BCAR3: variants seen among roughly 807,000 people sequenced by gnomAD.
BCAR3 encodes BCAR3 adaptor protein, NSP family member, also known as breast cancer anti-estrogen resistance protein 3.
BCAR3 carries 37 observed loss-of-function variants against 80.1 expected under a neutral mutation model. That is an observed-to-expected ratio of 0.46 (90% CI 0.36 to 0.61). The LOEUF (loss-of-function observed/expected upper bound fraction) is 0.61. Ranked by LOEUF, BCAR3 falls within the 20% of genes least tolerant of loss-of-function variation. The probability of loss-of-function intolerance (pLI) is 0.00; values close to 1 mark genes in which losing one functional copy is unlikely to be tolerated. For missense variants in BCAR3, 978 were observed against 1,068.2 expected (o/e 0.92, Z 1.18); for synonymous variants, 389 against 418.9 (o/e 0.93, Z 0.87).
At chr1:93,638,119 G>A (rs958084579) in intron 3 of BCAR3, among the ~76,000 whole-genome samples, 3 of 152,208 alleles carry the variant, frequency 2.0e-5, no homozygotes, top group Admixed American at 6.5e-5. Flanking sequence ...TGTGGTGGCA[G>A]ACGCCTGTAG....
intron 2 of BCAR3, among the ~76,000 whole-genome samples, chr1:93,715,987 C>T (rs1473454534): frequency 1.3e-5 from 2 of 152,206 alleles, no homozygotes; most frequent in Non-Finnish European, 2.9e-5. Flanking sequence ...CTTTGGGCCA[C>T]AAATGTCAGC....
intron 2 of BCAR3, among the ~76,000 whole-genome samples, chr1:93,724,300 T>C (rs1296195630): frequency 6.6e-6 from 1 of 152,142 alleles, no homozygotes; most frequent in Non-Finnish European, 1.5e-5. Flanking sequence ...ACCAGTCCCA[T>C]TGTGAATGGA....
Position 93,735,789 on chromosome 1 carries a change from C to T in BCAR3, c.-62-29647G>A, listed in dbSNP as rs549112743. On this transcript the variant is annotated intron_variant, in intron 2 of 13. Coordinates refer to the BCAR3 transcript ENST00000370244. Reference sequence around the variant, plus strand: ...CAAGGCAGCTCGCTTCCATGGCCTGCGCCAGTAAATAAGCTTCTAGCTTCC... The same window carrying T: ...CAAGGCAGCTCGCTTCCATGGCCTGTGCCAGTAAATAAGCTTCTAGCTTCC... Among the ~76,000 whole-genome samples, 17 of 152,358 alleles carry T rather than the reference C, an allele frequency of 1.1e-4. No homozygotes were observed. In the South Asian group the frequency reaches 3.5e-3, roughly 32 times the overall value.
intron 2 of BCAR3, among the ~76,000 whole-genome samples, chr1:93,835,970 C>T (rs963145474): frequency 3.3e-5 from 5 of 152,196 alleles, no homozygotes; most frequent in East Asian, 1.9e-4. Flanking sequence ...TTAGTCAAAT[C>T]ACCCAGTTTC....
chr1:93,712,850 C>T (rs140148959), intron 2 of BCAR3, among the ~76,000 whole-genome samples: 194 of 152,358 alleles, frequency 1.3e-3, no homozygotes, highest in African/African-American at 4.5e-3. Flanking sequence ...AAGCTATACT[C>T]TCTCTCTTCA....
At chr1:93,582,069 C>T (rs913929955) in intron 7 of BCAR3, among the ~76,000 whole-genome samples, 3 of 152,252 alleles carry the variant, frequency 2.0e-5, no homozygotes, top group South Asian at 4.1e-4. Context: ...ATTTTATAAG[C>T]TTCCTGCTTG....
chr1:93,729,470 C>CTAAAAATTCAAGAAGT (rs1650708621), intron 2 of BCAR3, among the ~76,000 whole-genome samples: 4 of 152,114 alleles, frequency 2.6e-5, no homozygotes, highest in African/African-American at 7.3e-5. Context: ...TGTCAAGAAG[C>CTAAAAATTCAAGAAGT]CTAAAAATTG....
chr1:93,802,315 G>GAA (rs11349279), intron 2 of BCAR3, among the ~76,000 whole-genome samples: 1 of 143,002 alleles, frequency 7.0e-6, no homozygotes. Flanking sequence ...AACTTTAAAA[G>GAA]AAAAAAAAAA....
chr1:93,590,569 C>T (rs978061386), intron 4 of BCAR3, among the ~76,000 whole-genome samples: 7 of 152,154 alleles, frequency 4.6e-5, no homozygotes, highest in East Asian at 1.9e-4. Flanking sequence ...AGGAGACGGA[C>T]GGTGGTGATA....
chr1:93,751,404 C>T (rs1405359893), intron 2 of BCAR3, among the ~76,000 whole-genome samples: 2 of 152,062 alleles, frequency 1.3e-5, no homozygotes, highest in African/African-American at 2.4e-5. Context: ...CTACAATACC[C>T]TTTTTTCAAG....
chr1:93,763,570 C>G (rs527818912), intron 2 of BCAR3, among the ~76,000 whole-genome samples: 4 of 152,342 alleles, frequency 2.6e-5, no homozygotes, highest in Non-Finnish European at 2.9e-5. Context: ...ACTCAAGCCT[C>G]CAGGCTTTAA....
chr1:93,702,223 C>T (rs1199574284), intron 3 of BCAR3, among the ~76,000 whole-genome samples: 1 of 152,160 alleles, frequency 6.6e-6, no homozygotes. Context: ...TGAATACGCC[C>T]TGTACCCATT....
intron 2 of BCAR3, among the ~76,000 whole-genome samples, chr1:93,674,017 GT>G (rs747796359): frequency 1.3e-5 from 2 of 151,990 alleles, no homozygotes; most frequent in East Asian, 1.9e-4. Flanking sequence ...AGGTGTTATA[GT>G]TTTTTTTACA....
At chr1:93,804,423 G>C (rs1653592885) in intron 2 of BCAR3, among the ~76,000 whole-genome samples, 1 of 152,132 alleles carries the variant, frequency 6.6e-6, no homozygotes, top group Admixed American at 6.6e-5. Flanking sequence ...ATAATAATAT[G>C]CTAGTATCAC....
chr1:93,600,620 G>A (rs1376887082), intron 3 of BCAR3: 1 of 152,112 alleles, frequency 6.6e-6, no homozygotes, highest in Non-Finnish European at 1.5e-5. Flanking sequence ...TTTTCCACCT[G>A]GCCACAAGCT....
chr1:93,703,952 A>C (rs1649738897), intron 3 of BCAR3, among the ~76,000 whole-genome samples: 1 of 152,260 alleles, frequency 6.6e-6, no homozygotes, highest in Non-Finnish European at 1.5e-5. Context: ...TTTACATTTA[A>C]GTCTAAATGA....
At chr1:93,606,425 G>A (rs1411861005) in intron 3 of BCAR3, among the ~76,000 whole-genome samples, 1 of 152,170 alleles carries the variant, frequency 6.6e-6, no homozygotes, top group Non-Finnish European at 1.5e-5. Flanking sequence ...TGAGAGTGGT[G>A]TTTAGAAGGT....
intron 3 of BCAR3, among the ~76,000 whole-genome samples, chr1:93,610,516 TC>T (rs2101878077): frequency 6.6e-6 from 1 of 152,218 alleles, no homozygotes; most frequent in East Asian, 1.9e-4. Context: ...ACAAAAACAG[TC>T]CCACATCCTC....
intron 2 of BCAR3, among the ~76,000 whole-genome samples, chr1:93,751,511 C>A (rs1651555802): frequency 6.6e-6 from 1 of 152,188 alleles, no homozygotes. Flanking sequence ...ACTATGGCAG[C>A]AATCCTGCCA....
Sources: gnomAD v4.1 joint callset for allele counts (sites outside exome capture counted in the v4.1 genomes callset) on GRCh38, gnomAD v4.1.1 for gene constraint, MANE v1.5 for transcripts, NCBI Gene and HGNC (gene_info 2026-07-23, HGNC 2026-07-21) for gene names.